Variants in EYA1 observed in about 807,000 individuals in gnomAD.
The protein encoded by EYA1 is protein phosphatase EYA1.
EYA1 carries 16 observed loss-of-function variants against 82.0 expected under a neutral mutation model. The ratio of observed to expected loss-of-function variants is 0.20; its 90% confidence interval spans 0.13 to 0.30. The LOEUF (loss-of-function observed/expected upper bound fraction) is 0.30, where lower values mean the gene tolerates loss of function less well. EYA1 is among the 10% of genes least tolerant of loss of function. The probability of loss-of-function intolerance (pLI) is 1.00; values close to 1 mark genes in which losing one functional copy is unlikely to be tolerated. For missense variants in EYA1, 633 were observed against 730.7 expected (o/e 0.87, Z 1.54); for synonymous variants, 261 against 264.4 (o/e 0.99, Z 0.12).
intron 2 of EYA1, among the ~76,000 whole-genome samples, chr8:71,436,373 A>AC (rs1806014243): frequency 1.3e-5 from 2 of 152,190 alleles, no homozygotes; most frequent in Admixed American, 6.5e-5. Flanking sequence ...TCTGATGTAT[A>AC]TATGGTATAC....
intron 2 of EYA1, among the ~76,000 whole-genome samples, chr8:71,388,246 C>G (rs1472072478): frequency 1.3e-5 from 2 of 152,076 alleles, no homozygotes; most frequent in African/African-American, 4.8e-5. Flanking sequence ...GCGAAGTGGT[C>G]AAATAAGTTA....
chr8:71,308,702 CTT>C (rs539041365), intron 7 of EYA1, among the ~76,000 whole-genome samples: 5 of 124,310 alleles, frequency 4.0e-5, no homozygotes, highest in Non-Finnish European at 3.5e-5. Context: ...CTTCAAAAAG[CTT>C]TTTTTTTTTT....
chr8:71,337,321 T>C (rs769829118), intron 3 of EYA1, among the ~76,000 whole-genome samples: 2 of 152,168 alleles, frequency 1.3e-5, no homozygotes, highest in Non-Finnish European at 2.9e-5. Flanking sequence ...TTTTGTTCTC[T>C]TTTGCCCCCA....
chr8:71,473,860 C>G (rs1350658845), intron 2 of EYA1, among the ~76,000 whole-genome samples: 1 of 152,126 alleles, frequency 6.6e-6, no homozygotes, highest in Admixed American at 6.5e-5. Context: ...CCATGGAATA[C>G]TATGCAGCCA....
chr8:71,520,783 T>G (rs1188289132), intron 2 of EYA1, among the ~76,000 whole-genome samples: 1 of 152,134 alleles, frequency 6.6e-6, no homozygotes, highest in Non-Finnish European at 1.5e-5. Context: ...AAATAAAGAC[T>G]AAAGCTGTGA....
At chr8:71,441,230 T>A (rs1362407122) in intron 2 of EYA1, among the ~76,000 whole-genome samples, 2 of 152,132 alleles carry the variant, frequency 1.3e-5, no homozygotes, top group African/African-American at 4.8e-5. Flanking sequence ...TTTGAGTCAC[T>A]TACATAAATA....
At chr8:71,399,290 T>C (rs1179940138) in intron 2 of EYA1, among the ~76,000 whole-genome samples, 1 of 151,970 alleles carries the variant, frequency 6.6e-6, no homozygotes, top group African/African-American at 2.4e-5. Context: ...ACCCACTGTC[T>C]GACAAGCCCC....
intron 2 of EYA1, among the ~76,000 whole-genome samples, chr8:71,425,290 A>G (rs1805124051): frequency 1.1e-5 from 1 of 90,992 alleles, no homozygotes; most frequent in South Asian, 3.3e-4. Flanking sequence ...TCCGTCTCAA[A>G]GAAAAAAAAA....
chr8:71,314,626 C>T (rs940379297), intron 7 of EYA1, among the ~76,000 whole-genome samples: 8 of 152,020 alleles, frequency 5.3e-5, no homozygotes, highest in Admixed American at 3.3e-4. Flanking sequence ...TTGAGAATCA[C>T]GTGAGTGCTC....
intron 2 of EYA1, among the ~76,000 whole-genome samples, chr8:71,445,568 C>A (rs988636980): frequency 6.6e-6 from 1 of 152,174 alleles, no homozygotes; most frequent in Non-Finnish European, 1.5e-5. Flanking sequence ...TAGGATCTCA[C>A]TTTCTATATG....
At chr8:71,320,186 T>C (rs1053790076) in intron 6 of EYA1, among the ~76,000 whole-genome samples, 3 of 151,976 alleles carry the variant, frequency 2.0e-5, no homozygotes, top group African/African-American at 7.3e-5. Context: ...AGCTCAGAAA[T>C]TGGCAAAGGG....
chr8:71,399,825 G>C (rs556192768), intron 2 of EYA1, among the ~76,000 whole-genome samples: 1 of 152,164 alleles, frequency 6.6e-6, no homozygotes, highest in Non-Finnish European at 1.5e-5. Flanking sequence ...AGCCACAAAA[G>C]AGCCTGTATA....
chr8:71,361,088 AGTTT>A (rs1289112142), intron 1 of EYA1, among the ~76,000 whole-genome samples: 2 of 152,258 alleles, frequency 1.3e-5, no homozygotes, highest in Non-Finnish European at 2.9e-5. Flanking sequence ...TCTGAAGATA[AGTTT>A]GTTTAATATA....
chr8:71,381,608 A>AT lies in EYA1; in HGVS notation c.34-25098dup, dbSNP rs545377803. Reference sequence around the variant, plus strand: ...GCATTTTTATCAGAGCTGGAAAAAAATATGTATTACACTCATCCTTACAGT... The same window carrying AT: ...GCATTTTTATCAGAGCTGGAAAAAAATTATGTATTACACTCATCCTTACAGT... On this transcript the variant is annotated intron_variant, in intron 2 of 18. Coordinates refer to the EYA1 transcript ENST00000643681. Among the ~76,000 whole-genome samples, 80 of 152,344 alleles carry AT rather than the reference A, an allele frequency of 5.3e-4. 1 individual carries two copies. In the South Asian group the frequency reaches 0.016, roughly 31 times the overall value.
At chr8:71,390,002 C>T (rs1829184743) in intron 2 of EYA1, among the ~76,000 whole-genome samples, 1 of 151,892 alleles carries the variant, frequency 6.6e-6, no homozygotes, top group South Asian at 2.1e-4. Context: ...CTGATTTTAC[C>T]AGATGCTTTT....
intron 2 of EYA1, among the ~76,000 whole-genome samples, chr8:71,402,262 G>T (rs892524615): frequency 2.0e-5 from 3 of 152,082 alleles, no homozygotes; most frequent in Non-Finnish European, 4.4e-5. Context: ...CCCTCCACTT[G>T]CTTTCTCTCA....
intron 2 of EYA1, among the ~76,000 whole-genome samples, chr8:71,382,651 A>G (rs1166834734): frequency 6.6e-6 from 1 of 152,136 alleles, no homozygotes; most frequent in Admixed American, 6.5e-5. Context: ...TAAAGGATAT[A>G]TACACTTATT....
At chr8:71,204,799 G>A (rs1308825985) in intron 17 of EYA1, among the ~76,000 whole-genome samples, 4 of 152,166 alleles carry the variant, frequency 2.6e-5, no homozygotes, top group Non-Finnish European at 5.9e-5. Flanking sequence ...AGATATCAAG[G>A]GAGAACTTAT....
At chr8:71,476,337 C>T (rs1271873361) in intron 2 of EYA1, among the ~76,000 whole-genome samples, 17 of 152,074 alleles carry the variant, frequency 1.1e-4, no homozygotes. Flanking sequence ...CAACAATATT[C>T]AAATCTCTAG....
Sources: gnomAD v4.1 joint callset for allele counts (sites outside exome capture counted in the v4.1 genomes callset) on GRCh38, gnomAD v4.1.1 for gene constraint, MANE v1.5 for transcripts, NCBI Gene and HGNC (gene_info 2026-07-23, HGNC 2026-07-21) for gene names.